The following ZNF574 variants were observed in gnomAD, a reference collection of about 807,000 sequenced individuals.
The protein encoded by ZNF574 is zinc finger protein 574.
ZNF574 carries 25 observed loss-of-function variants against 56.6 expected under a neutral mutation model. The observed-to-expected ratio is 0.44, with a 90% CI of 0.32 to 0.62. The LOEUF is 0.62. Among genes scored for constraint, ZNF574 ranks in the 20% least tolerant of loss-of-function variants. The pLI, the probability that ZNF574 is intolerant of heterozygous loss-of-function variation, is 0.04. For missense variants in ZNF574, 1,065 were observed against 1,218.9 expected (o/e 0.87, Z 1.88); for synonymous variants, 543 against 492.1 (o/e 1.10, Z -1.37).
Position 42,078,996 on chromosome 19 carries a change from T to C in ZNF574, c.390T>C (p.Asp130=), listed in dbSNP as rs1216624308. 6.2e-7 allele frequency: 1 copy of C among 1,614,102 alleles called. No homozygotes were observed. Among genetic ancestry groups the C allele is most frequent in the Middle Eastern group, 1.6e-4 (1 of 6,062 alleles). ...GCACCATCCACTACGAGTGTGTGGATTGCAAGGCTCTCTTTGCCAGCCAGG... is the reference window on the plus strand; with the variant it reads ...GCACCATCCACTACGAGTGTGTGGACTGCAAGGCTCTCTTTGCCAGCCAGG... ...SSSTIHYECV[D]CKALFASQEL... is the part of the protein sequence containing the mutation. The change falls in exon 2 of 2, where the codon GAT becomes GAC. Residue 130 remains aspartate, a synonymous_variant. Transcript: ENST00000359044.
intron 1 of ZNF574, chr19:42,070,726 G>A (rs926561706): frequency 6.6e-6 from 1 of 152,564 alleles, no homozygotes; most frequent in Non-Finnish European, 1.5e-5. Context: ...TGTGGACATA[G>A]AGACCTCCCG....
chr19:42,075,184 G>A (rs1020422447), upstream of ZNF574: 2 of 152,306 alleles, frequency 1.3e-5, no homozygotes, highest in African/African-American at 4.8e-5. Context: ...CGCCCAGCCT[G>A]GAAACGTTTC....
At position 42,079,248 on chromosome 19, in the gene ZNF574, C is replaced by T. The variant is rs1313374724; in HGVS notation, c.642C>T (p.Tyr214=). The change falls in exon 2 of 2, where the codon TAC becomes TAT. Residue 214 remains tyrosine, a synonymous_variant. Coordinates refer to ENST00000359044, the MANE Select transcript of ZNF574 (RefSeq NM_022752.6). This position sits in a 1 kb window ranked among gnomAD's most constrained non-coding sequence, Gnocchi z 4.3. ...TGACTGAGGTGGAGCTGCTCCTCTA[C>T]AAGTGCTCTGAGTGCTCCCAGCTCT... The part of the protein sequence containing the change: ...EVVTEVELLL[Y]KCSECSQLFQ... The T allele has an allele frequency of 5.0e-6, 8 of 1,614,070 alleles. No individual in the cohort carries two copies. The highest frequency in any genetic ancestry group is 6.8e-6 in the Non-Finnish European group (8 of 1,180,020).
chr19:42,071,158 G>A (rs1368185143), intron 1 of ZNF574, among the ~76,000 whole-genome samples: 1 of 151,984 alleles, frequency 6.6e-6, no homozygotes, highest in African/African-American at 2.4e-5. Flanking sequence ...AGAGGAAGCT[G>A]GAGGGCAGAG....
At chr19:42,076,496 C>T (rs1359191469) in intron 1 of ZNF574, among the ~76,000 whole-genome samples, 3 of 147,378 alleles carry the variant, frequency 2.0e-5, no homozygotes, top group Non-Finnish European at 4.5e-5. Context: ...GAGTCGCGTG[C>T]GGGGCTGAGT....
rs199846702 is a variant in ZNF574 at position 42,079,588 on chromosome 19, C to T, written c.982C>T (p.Leu328=). 3.7e-6 allele frequency: 6 copies of T among 1,614,182 alleles called. No homozygotes were observed. Among genetic ancestry groups the T allele is most frequent in the South Asian group, 1.1e-5 (1 of 91,088 alleles). The change falls in exon 2 of 2, where the codon CTG becomes TTG. Residue 328 remains leucine (L), a synonymous_variant. Coordinates refer to ENST00000359044, the MANE Select transcript of ZNF574 (RefSeq NM_022752.6). The surrounding 1 kb of genome is among the most constrained non-coding windows in gnomAD (Gnocchi z 4.3). The stretch of plus-strand genomic sequence containing the variant: ...CTCACCCCACCAGCTACAGCAGCAC[C>T]TGCGGAGTCACCGGGAGGGCGTCTT... The part of the protein sequence containing the change: ...FLSPHQLQQH[L]RSHREGVFKC...
intron 1 of ZNF574, among the ~76,000 whole-genome samples, chr19:42,078,356 A>G (rs536562204): frequency 2.6e-5 from 4 of 152,236 alleles, no homozygotes; most frequent in African/African-American, 9.6e-5. Context: ...AAGTTGATAC[A>G]GAGGTGAGAC....
Position 42,078,783 on chromosome 19 carries a change from C to T in ZNF574, c.177C>T (p.Asp59=). The change falls in exon 2 of 2, where the codon GAC becomes GAT. Residue 59 remains aspartate, a synonymous_variant. Coordinates refer to ENST00000359044, the MANE Select transcript of ZNF574 (RefSeq NM_022752.6). ...VADPGVTVAT[D]TASGTGLYQT... is the part of the protein sequence containing the mutation. The stretch of plus-strand genomic sequence containing the variant: ...ATCCCGGAGTCACTGTGGCCACAGA[C>T]ACAGCTTCAGGCACGGGCCTCTATC... 3 of 1,614,090 alleles carry T rather than the reference C, an allele frequency of 1.9e-6. No individual in the cohort carries two copies. The highest frequency in any genetic ancestry group is 2.5e-6 in the Non-Finnish European group (3 of 1,179,962).
intron 1 of ZNF574, among the ~76,000 whole-genome samples, chr19:42,076,934 G>A (rs2076460390): frequency 6.6e-6 from 1 of 152,154 alleles, no homozygotes; most frequent in Non-Finnish European, 1.5e-5. Context: ...AGGAGTCTTT[G>A]TACAAAGAAG....
chr19:42,068,757 G>T lies in ZNF574; in HGVS notation c.46G>T (p.Glu16Ter). The T allele has an allele frequency of 1.9e-6, 1 of 516,042 alleles. No individual in the cohort carries two copies. The highest frequency in any genetic ancestry group is 3.5e-5 in the Admixed American group (1 of 28,844). 32.0% of individuals were successfully genotyped at this position (516,042 alleles called of 1,614,324 possible). Residue 16 changes from glutamate to a stop codon, truncating the protein, a stop_gained, in exon 1 of 2, where the codon GAG becomes TAG. Coordinates refer to the ZNF574 transcript ENST00000222339. LOFTEE classifies it high-confidence loss of function. ...TAACAGCAAAGAGAGAAGTTGGGCA[G>T]AGTCAGAGAGGGGCCCAAGAGACAC...
Position 42,081,259 on chromosome 19 carries a change from C to T in ZNF574, c.2653C>T (p.Pro885Ser). 6.2e-7 allele frequency: 1 copy of T among 1,613,732 alleles called. No homozygotes were observed. The highest frequency in any genetic ancestry group is 1.6e-4 in the Middle Eastern group (1 of 6,062). The change falls in exon 2 of 2, where the codon CCT becomes TCT. Residue 885 changes from proline to serine, a missense_variant. By Grantham distance (74) the Pro-to-Ser change is moderately conservative. Transcript: ENST00000359044. ...CCTGGTGGAAGCCATTGAGATCTAC[C>T]CTCTGGCCGAGGCTGAGGGGGTCCA... ...LPLVEAIEIY[P>S]LAEAEGVQIS... is the part of the protein sequence containing the mutation.
intron 1 of ZNF574, chr19:42,070,707 G>A (rs1164745605): frequency 6.5e-6 from 1 of 152,750 alleles, no homozygotes; most frequent in Non-Finnish European, 1.5e-5. Flanking sequence ...CGGAGACAAG[G>A]GGCAGTAATG....
Position 42,078,639 on chromosome 19 carries a change from C to T in ZNF574, c.33C>T (p.Tyr11=). 1 of 1,613,928 alleles carries T rather than the reference C, an allele frequency of 6.2e-7. No homozygotes were observed. Among genetic ancestry groups the T allele is most frequent in the Non-Finnish European group, 8.5e-7 (1 of 1,179,902 alleles). Residue 11 remains tyrosine (Y), a synonymous_variant, in exon 2 of 2, where the codon TAC becomes TAT. Transcript: ENST00000359044. MTEESEETVL[Y]IEHRYVCSEC... ...AGGAATCAGAGGAGACAGTCCTGTA[C>T]ATTGAGCACCGCTATGTCTGCTCTG...
chr19:42,078,720 C>T lies in ZNF574; in HGVS notation c.114C>T (p.His38=), dbSNP rs201349900. 1.1e-5 allele frequency: 18 copies of T among 1,614,122 alleles called. No homozygotes were observed. Among genetic ancestry groups the T allele is most frequent in the East Asian group, 2.2e-5 (1 of 44,880 alleles). ...AGGTGCTTATGCACCAAAACTCCCA[C>T]GTGCCCCAGCAGCACTTTGAGCTGG... is the stretch of plus-strand genomic sequence containing the variant. ...LEEVLMHQNS[H]VPQQHFELVG... is the part of the protein sequence containing the mutation. The change falls in exon 2 of 2, where the codon CAC becomes CAT. Residue 38 remains histidine, a synonymous_variant. Coordinates refer to ENST00000359044, the MANE Select transcript of ZNF574 (RefSeq NM_022752.6).
upstream of ZNF574, among the ~76,000 whole-genome samples, chr19:42,075,779 C>T (rs374036255): frequency 1.6e-5 from 2 of 127,182 alleles, no homozygotes; most frequent in African/African-American, 5.0e-5. Flanking sequence ...TCTCCCTGTC[C>T]CCAACGCTGA....
At chr19:42,075,826 G>C (rs547598998), upstream of ZNF574, among the ~76,000 whole-genome samples, 3 of 152,122 alleles carry the variant, frequency 2.0e-5, no homozygotes, top group East Asian at 1.9e-4. Context: ...GCCCGCGGCC[G>C]CGCTCCGCCG....
At chr19:42,075,234 G>C (rs1203815891), upstream of ZNF574, 1 of 152,336 alleles carries the variant, frequency 6.6e-6, no homozygotes, top group Admixed American at 6.5e-5. Context: ...GCCCTGAGGG[G>C]CGCAGGAACG....
rs764342962 is a variant in ZNF574, at chr19:42,080,365, C to T, written c.1759C>T (p.Arg587Cys). 20 of 1,614,086 alleles carry T rather than the reference C, an allele frequency of 1.2e-5. No individual in the cohort carries two copies. The highest frequency in any genetic ancestry group is 1.6e-5 in the Non-Finnish European group (19 of 1,180,032). ...FPYRCQECGV[R>C]FHRPYRLLMH... ...CTACCGCTGCCAGGAATGTGGGGTGCGTTTTCACCGTCCTTACCGCCTGCT... is the reference window on the plus strand; with the variant it reads ...CTACCGCTGCCAGGAATGTGGGGTGTGTTTTCACCGTCCTTACCGCCTGCT... Residue 587 changes from arginine (R) to cysteine (C), a missense_variant, in exon 2 of 2, where the codon CGT (arginine) becomes TGT (cysteine). Coordinates refer to ENST00000359044, the MANE Select transcript of ZNF574 (RefSeq NM_022752.6). This position sits in a 1 kb window ranked among gnomAD's most constrained non-coding sequence, Gnocchi z 8.5.
chr19:42,074,215 G>A (rs1386711987), upstream of ZNF574, among the ~76,000 whole-genome samples: 1 of 151,790 alleles, frequency 6.6e-6, no homozygotes, highest in East Asian at 1.9e-4. Context: ...CCAGCACTTT[G>A]GGAAGCCAAG....
Sources: allele counts gnomAD v4.1 joint callset (sites outside exome capture counted in the v4.1 genomes callset), GRCh38; gene constraint gnomAD v4.1.1; non-coding constraint Gnocchi (gnomAD v3.1); transcripts MANE v1.5; gene names NCBI Gene and HGNC (gene_info 2026-07-23, HGNC 2026-07-21).